TTC9: variants seen among roughly 807,000 people sequenced by gnomAD.
The protein encoded by TTC9 is tetratricopeptide repeat protein 9A.
TTC9 carries 13 observed loss-of-function variants against 22.9 expected under a neutral mutation model. The ratio of observed to expected loss-of-function variants is 0.57; its 90% CI spans 0.37 to 0.90. TTC9 has a LOEUF of 0.90. Ranked by LOEUF, TTC9 falls within the 40% of genes least tolerant of loss-of-function variation. The probability of loss-of-function intolerance (pLI) is 0.01; values close to 1 mark genes in which losing one functional copy is unlikely to be tolerated. For synonymous variants in TTC9, 148 were observed against 133.2 expected (o/e 1.11, Z -0.77); for missense variants, 280 against 291.8 (o/e 0.96, Z 0.29).
At chr14:70,659,161 C>CAT (rs1886111036) in intron 1 of TTC9, among the ~76,000 whole-genome samples, 1 of 151,850 alleles carries the variant, frequency 6.6e-6, no homozygotes, top group South Asian at 2.1e-4. Context: ...CACACACACA[C>CAT]ATACTGGGTA....
chr14:70,653,654 A>G (rs1886016739), intron 1 of TTC9, among the ~76,000 whole-genome samples: 1 of 152,216 alleles, frequency 6.6e-6, no homozygotes, highest in African/African-American at 2.4e-5. Context: ...AATAAGGCTC[A>G]GTTAGACAGT....
At chr14:70,668,305 G>A (rs1886243478) in intron 2 of TTC9, among the ~76,000 whole-genome samples, 1 of 152,106 alleles carries the variant, frequency 6.6e-6, no homozygotes, top group Admixed American at 6.5e-5. Context: ...TATTGAGGGG[G>A]TACAATATTG....
At chr14:70,670,627 C>T (rs141205775) in intron 2 of TTC9, among the ~76,000 whole-genome samples, 136 of 151,736 alleles carry the variant, frequency 9.0e-4, no homozygotes, top group African/African-American at 2.9e-3. Flanking sequence ...CCAGCCTGGG[C>T]GAACAGGACA....
chr14:70,650,908 C>T (rs1478613297), intron 1 of TTC9, among the ~76,000 whole-genome samples: 2 of 151,946 alleles, frequency 1.3e-5, no homozygotes, highest in East Asian at 3.8e-4. Flanking sequence ...TCAAGTCATA[C>T]CAGAGAAGCA....
chr14:70,668,119 C>T (rs1886241327), intron 2 of TTC9, among the ~76,000 whole-genome samples: 1 of 152,220 alleles, frequency 6.6e-6, no homozygotes. Flanking sequence ...ATGAGGCGCT[C>T]ACATCTGGTT....
intron 1 of TTC9, among the ~76,000 whole-genome samples, chr14:70,660,340 G>A (rs897382966): frequency 3.3e-5 from 5 of 152,176 alleles, no homozygotes; most frequent in African/African-American, 1.2e-4. Context: ...ATCTACTTTA[G>A]ATAGAAAATC....
Position 70,672,676 on chromosome 14 carries a change from ATAGT to A in TTC9, c.*1525_*1528del, listed in dbSNP as rs1201159570. ...AATATATACAGATGCAATAATGTGA[ATAGT>A]TAGGATTTATTAAATGCATTATCTT... On this transcript the variant is annotated 3_prime_UTR_variant, in exon 3 of 3. Transcript: ENST00000256367. 9 of 152,366 alleles carry A rather than the reference ATAGT, an allele frequency of 5.9e-5. No homozygotes were observed. The South Asian group carries it at 1.9e-3, about 32-fold the overall frequency. The allele number at this position is 152,366 out of a possible 1,614,324, so 9.4% of individuals were successfully genotyped here.
At chr14:70,658,239 C>T (rs866284395) in intron 1 of TTC9, among the ~76,000 whole-genome samples, 60 of 152,256 alleles carry the variant, frequency 3.9e-4, no homozygotes, top group Middle Eastern at 3.4e-3. Context: ...AGCTATTTCC[C>T]GGAGTCTCCA....
chr14:70,658,117 A>G (rs554714073), intron 1 of TTC9, among the ~76,000 whole-genome samples: 2 of 152,212 alleles, frequency 1.3e-5, no homozygotes, highest in South Asian at 2.1e-4. Flanking sequence ...ATTGGAACCA[A>G]TATGGGATTT....
intron 1 of TTC9, among the ~76,000 whole-genome samples, chr14:70,653,669 G>A (rs1886017088): frequency 6.6e-6 from 1 of 152,138 alleles, no homozygotes; most frequent in East Asian, 1.9e-4. Context: ...GACAGTGCCT[G>A]TTCCCTGCCA....
chr14:70,657,124 A>C (rs1361997853), intron 1 of TTC9, among the ~76,000 whole-genome samples: 1 of 152,268 alleles, frequency 6.6e-6, no homozygotes, highest in Non-Finnish European at 1.5e-5. Flanking sequence ...CTTTCCATGC[A>C]GTTCTTTTAC....
Position 70,672,964 on chromosome 14 carries a change from C to A in TTC9, c.*1809C>A, listed in dbSNP as rs1289293400. ...TTGAGAACAGGACAATATGTATTAA[C>A]CTGAAAAGTGTTCATGATGTCAGTG... On this transcript the variant is annotated 3_prime_UTR_variant, in exon 3 of 3. Transcript: ENST00000256367. The A allele has an allele frequency of 6.6e-6, 1 of 152,168 alleles. No homozygotes were observed. Among genetic ancestry groups the A allele is most frequent in the Admixed American group, 6.5e-5 (1 of 15,278 alleles). 9.4% of individuals were successfully genotyped at this position (152,168 alleles called of 1,614,324 possible). A position where few individuals can be genotyped will look rare whatever the true frequency, so the allele number is the denominator to read the frequency against.
chr14:70,651,842 A>T (rs915019158), intron 1 of TTC9, among the ~76,000 whole-genome samples: 1 of 152,154 alleles, frequency 6.6e-6, no homozygotes, highest in African/African-American at 2.4e-5. Flanking sequence ...CGCATGTTGG[A>T]GGCTCAGCCA....
intron 1 of TTC9, among the ~76,000 whole-genome samples, chr14:70,665,481 A>T (rs1044368935): frequency 6.6e-6 from 1 of 152,204 alleles, no homozygotes; most frequent in Admixed American, 6.5e-5. Context: ...GGCTTGTAGC[A>T]TCAGCTTATC....
chr14:70,658,757 C>G (rs1334800855), intron 1 of TTC9, among the ~76,000 whole-genome samples: 1 of 152,166 alleles, frequency 6.6e-6, no homozygotes, highest in Admixed American at 6.5e-5. Context: ...CTATACCTGA[C>G]TATTCCTATC....
Position 70,650,492 on chromosome 14 carries a change from A to G in TTC9, c.406+7957A>G, listed in dbSNP as rs149468167. 2.2e-4 allele frequency among the ~76,000 whole-genome samples: 34 copies of G among 152,302 alleles called. No individual in the cohort carries two copies. The East Asian group carries it at 5.8e-3, about 26-fold the overall frequency. ...TTCTTTGAAGGCTAAAATTTCCCCA[A>G]TTCTCTTCAGACATCTTCTTAAGAA... On this transcript the variant is annotated intron_variant, in intron 1 of 2. Coordinates refer to ENST00000256367, the MANE Select transcript of TTC9 (RefSeq NM_015351.2).
intron 1 of TTC9, among the ~76,000 whole-genome samples, chr14:70,655,671 A>C (rs1886054508): frequency 6.6e-6 from 1 of 151,792 alleles, no homozygotes; most frequent in African/African-American, 2.4e-5. Flanking sequence ...GATGCTGCTC[A>C]CTCTGTTTGC....
At chr14:70,667,006 C>T (rs904653696) in intron 1 of TTC9, among the ~76,000 whole-genome samples, 2 of 152,050 alleles carry the variant, frequency 1.3e-5, no homozygotes, top group African/African-American at 2.4e-5. Flanking sequence ...GTCCAAGATC[C>T]AGGTGCTGGT....
intron 1 of TTC9, among the ~76,000 whole-genome samples, chr14:70,657,422 G>T (rs1311397387): frequency 5.3e-5 from 8 of 152,216 alleles, no homozygotes; most frequent in Non-Finnish European, 7.3e-5. Context: ...GAAAAGGAGA[G>T]ATCTCCAAAG....
Sources: allele counts gnomAD v4.1 joint callset (sites outside exome capture counted in the v4.1 genomes callset), GRCh38; gene constraint gnomAD v4.1.1; transcripts MANE v1.5; gene names NCBI Gene and HGNC (gene_info 2026-07-23, HGNC 2026-07-21).